Variants in EVC2 observed in about 807,000 individuals in gnomAD.
The protein encoded by EVC2 is EvC ciliary complex subunit 2.
Under a neutral mutation model 149.3 loss-of-function variants are expected in EVC2, and 148 were observed. That is an observed-to-expected ratio of 0.99 (90% CI 0.87 to 1.14). The LOEUF (loss-of-function observed/expected upper bound fraction) is 1.14, where lower values mean the gene tolerates loss of function less well. Ranked by LOEUF, EVC2 falls within the 50% of genes most tolerant of loss-of-function variation. EVC2 has a pLI of 0.00. For missense variants in EVC2, 1,854 were observed against 1,627.3 expected (o/e 1.14, Z -2.40); for synonymous variants, 776 against 649.9 (o/e 1.19, Z -2.95).
At position 5,572,241 on chromosome 4, in the gene EVC2, C is replaced by T. The variant is rs111948376; in HGVS notation, c.3360+2444G>A. 5.0e-3 allele frequency among the ~76,000 whole-genome samples: 761 copies of T among 152,280 alleles called. 5 individuals carry two copies. The highest frequency in any genetic ancestry group is 0.017 in the African/African-American group (688 of 41,538). On this transcript the variant is annotated intron_variant, in intron 19 of 21. Transcript: ENST00000344408. ...CCTGGTGCCTGCTGCCCAGAGCTTC[C>T]GGTCTGGCAGTATTTATTCTGCATA... is the stretch of plus-strand genomic sequence containing the variant.
chr4:5,704,275 GGT>G (rs1722002153), intron 1 of EVC2, among the ~76,000 whole-genome samples: 1 of 152,146 alleles, frequency 6.6e-6, no homozygotes, highest in African/African-American at 2.4e-5. Context: ...GTTGATTGTG[GGT>G]GTGTTTTGAA....
At chr4:5,623,288 G>A (rs376853116) in intron 13 of EVC2, among the ~76,000 whole-genome samples, 1 of 151,674 alleles carries the variant, frequency 6.6e-6, no homozygotes, top group Non-Finnish European at 1.5e-5. Flanking sequence ...GGGCACGTGC[G>A]CCATGATGCC....
At chr4:5,551,513 G>C (rs931845251) in intron 21 of EVC2, among the ~76,000 whole-genome samples, 2 of 152,240 alleles carry the variant, frequency 1.3e-5, no homozygotes, top group Non-Finnish European at 2.9e-5. Flanking sequence ...TATCTAGCAA[G>C]TAACTAGCTT....
intron 13 of EVC2, among the ~76,000 whole-genome samples, chr4:5,624,978 T>C (rs1158272548): frequency 2.0e-5 from 3 of 152,098 alleles, no homozygotes; most frequent in Non-Finnish European, 4.4e-5. Context: ...AGTTTAGGCC[T>C]GCATCCGCTC....
At chr4:5,663,823 A>G (rs1219567870) in intron 8 of EVC2, among the ~76,000 whole-genome samples, 1 of 152,176 alleles carries the variant, frequency 6.6e-6, no homozygotes, top group Admixed American at 6.5e-5. Context: ...CAGGAGGCTA[A>G]GGCAGGAGAA....
intron 21 of EVC2, among the ~76,000 whole-genome samples, chr4:5,550,468 T>G (rs1721713855): frequency 6.6e-6 from 1 of 152,158 alleles, no homozygotes; most frequent in African/African-American, 2.4e-5. Context: ...CTTAAAGAGA[T>G]GATTTAGGGT....
chr4:5,587,070 C>T (rs1280130789), intron 16 of EVC2, among the ~76,000 whole-genome samples: 1 of 152,306 alleles, frequency 6.6e-6, no homozygotes, highest in Non-Finnish European at 1.5e-5. Context: ...CGTCACACTC[C>T]TTTGTTACTA....
chr4:5,590,666 G>C (rs752662697), intron 16 of EVC2, among the ~76,000 whole-genome samples: 2 of 151,818 alleles, frequency 1.3e-5, no homozygotes, highest in Non-Finnish European at 2.9e-5. Context: ...TGCTCAGTGA[G>C]GGTTTTAGTG....
At chr4:5,591,119 G>T (rs1310816773) in intron 16 of EVC2, among the ~76,000 whole-genome samples, 1 of 152,108 alleles carries the variant, frequency 6.6e-6, no homozygotes, top group Non-Finnish European at 1.5e-5. Context: ...CCATGAAGGG[G>T]CATGAAGCTC....
chr4:5,658,086 C>T (rs774937586), intron 9 of EVC2, among the ~76,000 whole-genome samples: 13 of 152,168 alleles, frequency 8.5e-5, no homozygotes, highest in Non-Finnish European at 1.8e-4. Context: ...CAAAGAGTTA[C>T]CAGTGCACAG....
rs999556138 is a variant in EVC2, at chr4:5,613,810, T to C, written c.2829+1612A>G. On this transcript the variant is annotated intron_variant, in intron 16 of 21. Transcript: ENST00000344408. The surrounding 1 kb of genome is among the most constrained non-coding windows in gnomAD (Gnocchi z 4.6). Reference sequence around the variant, plus strand: ...ATCTTTGTCTTGCTGTTCAATTTCATATAGAACCTGGGTGAGAATAGGGTT... The same window carrying C: ...ATCTTTGTCTTGCTGTTCAATTTCACATAGAACCTGGGTGAGAATAGGGTT... 6.6e-6 allele frequency among the ~76,000 whole-genome samples: 1 copy of C among 152,158 alleles called. No homozygotes were observed. Among genetic ancestry groups the C allele is most frequent in the African/African-American group, 2.4e-5 (1 of 41,438 alleles).
In EVC2 at chr4:5,685,600, G is replaced by C. The variant is rs989824568; in HGVS notation, c.707-121C>G. On this transcript the variant is annotated intron_variant, in intron 5 of 21. Coordinates refer to ENST00000344408, the MANE Select transcript of EVC2 (RefSeq NM_147127.5). ...AGTGGTTCCAAGGGAGGCCACCATG[G>C]CAGTGATGCCTGCAGCAAGGAAGCC... 4.6e-5 allele frequency: 35 copies of C among 754,562 alleles called. 1 individual carries two copies. Among genetic ancestry groups the C allele is most frequent in the Admixed American group, 4.5e-4 (21 of 46,530 alleles). The allele number at this position is 754,562 out of a possible 1,614,324, so 46.7% of individuals were successfully genotyped here. A position where few individuals can be genotyped will look rare whatever the true frequency, so the allele number is the denominator to read the frequency against.
upstream of EVC2, chr4:5,708,641 C>T (rs1722378896): frequency 1.6e-6 from 1 of 628,270 alleles, no homozygotes; most frequent in Non-Finnish European, 2.4e-6. Context: ...CTGGAACAAA[C>T]ACCCGCATCT....
intron 21 of EVC2, among the ~76,000 whole-genome samples, chr4:5,545,304 A>T (rs886209450): frequency 3.3e-5 from 5 of 152,220 alleles, no homozygotes; most frequent in African/African-American, 1.2e-4. Context: ...TTCCACTTTC[A>T]GGCCAGGGAA....
At chr4:5,650,537 C>A (rs925330417) in intron 9 of EVC2, among the ~76,000 whole-genome samples, 2 of 149,052 alleles carry the variant, frequency 1.3e-5, no homozygotes, top group Non-Finnish European at 3.0e-5. Flanking sequence ...TTATCACCTA[C>A]ATCAAACGAA....
At chr4:5,620,045 GA>G (rs1209647073) in intron 14 of EVC2, among the ~76,000 whole-genome samples, 2 of 152,174 alleles carry the variant, frequency 1.3e-5, no homozygotes, top group Non-Finnish European at 2.9e-5. Context: ...GTCTTTCGTG[GA>G]AAGAGAATGA....
At chr4:5,600,633 A>T (rs997681716) in intron 16 of EVC2, among the ~76,000 whole-genome samples, 1 of 152,232 alleles carries the variant, frequency 6.6e-6, no homozygotes, top group Non-Finnish European at 1.5e-5. Flanking sequence ...GATCCCAAAA[A>T]ACTGAATCCT....
intron 10 of EVC2, among the ~76,000 whole-genome samples, chr4:5,634,855 G>A (rs564951406): frequency 2.0e-5 from 3 of 152,176 alleles, no homozygotes; most frequent in South Asian, 2.1e-4. Flanking sequence ...AACTACTGGG[G>A]AATGGGGCAA....
At chr4:5,536,371 A>G in the EVC2 span, among the ~76,000 whole-genome samples, 1 of 152,198 alleles carries the variant, frequency 6.6e-6, no homozygotes, top group African/African-American at 2.4e-5. Flanking sequence ...AATAATTTAG[A>G]AGCAATAAGG....
Sources: allele counts gnomAD v4.1 joint callset (sites outside exome capture counted in the v4.1 genomes callset), GRCh38; gene constraint gnomAD v4.1.1; non-coding constraint Gnocchi (gnomAD v3.1); transcripts MANE v1.5; gene names NCBI Gene and HGNC (gene_info 2026-07-23, HGNC 2026-07-21).